KRT6C: variants seen among roughly 807,000 people sequenced by gnomAD.
KRT6C encodes the protein keratin, type II cytoskeletal 6C.
KRT6C carries 46 observed loss-of-function variants against 49.4 expected under a neutral mutation model. The ratio of observed to expected loss-of-function variants is 0.93; its 90% confidence interval spans 0.74 to 1.19. The LOEUF (loss-of-function observed/expected upper bound fraction) is 1.19. KRT6C is among the 50% of genes most tolerant of loss of function. The pLI is 0.00. For synonymous variants in KRT6C, 236 were observed against 297.1 expected, an observed-to-expected ratio of 0.79 and a Z score of 2.12; for missense variants, 552 against 737.5, an observed-to-expected ratio of 0.75 and a Z score of 2.91.
In KRT6C at chr12:52,470,550, G is replaced by T. The variant is rs1375481872; in HGVS notation, c.1158C>A (p.Arg386=). 2 of 1,614,096 alleles carry T rather than the reference G, an allele frequency of 1.2e-6. No individual in the cohort carries two copies. Among genetic ancestry groups the T allele is most frequent in the African/African-American group, 2.7e-5 (2 of 75,018 alleles). Residue 386 remains arginine (R), a synonymous_variant, in exon 6 of 9, where the codon CGC becomes CGA. Transcript: ENST00000252250. ...TCTCAGATCTCAGCCTCTGGATCAT[G>T]CGGTTGATCTCAGCAATCTCCTGCT... ...NTKQEIAEIN[R]MIQRLRSEID... is the part of the protein sequence containing the mutation.
chr12:52,469,940 A>G (rs752832631), intron 6 of KRT6C, 50 bp from the exon 7 acceptor site: 46 of 1,607,920 alleles, frequency 2.9e-5, no homozygotes, highest in Non-Finnish European at 3.8e-5. Flanking sequence ...CCTCCGGAGG[A>G]GGCTGGCCCT....
Position 52,473,523 on chromosome 12 carries a change from A to G in KRT6C, c.215T>C (p.Ile72Thr), listed in dbSNP as rs1429648924. ...ACTGATGGCACAGCTGCCCCCTCCAATGGAGATCCTCTTGGAGCCCCCCAG... is the reference window on the plus strand; with the variant it reads ...ACTGATGGCACAGCTGCCCCCTCCAGTGGAGATCCTCTTGGAGCCCCCCAG... ...YGLGGSKRIS[I>T]GGGSCAISGG... Residue 72 changes from isoleucine (I) to threonine (T), a missense_variant, in exon 1 of 9, where the codon ATT becomes ACT. By Grantham distance (89) the Ile-to-Thr change is moderately conservative. Around this residue, in one of 3 missense-constraint regions of KRT6C, gnomAD observed 73 missense variants for 102.1 expected, o/e 0.71. Transcript: ENST00000252250. 5.9e-6 allele frequency: 9 copies of G among 1,533,912 alleles called. No homozygotes were observed. The highest frequency in any genetic ancestry group is 4.6e-5 in the East Asian group (2 of 43,678).
At chr12:52,469,955 T>C in intron 6 of KRT6C, 65 bp from the exon 7 acceptor site, 1 of 1,583,674 alleles carries the variant, frequency 6.3e-7, no homozygotes, top group Non-Finnish European at 8.6e-7. Context: ...GGCCCTTGTT[T>C]AGTGAACCAG....
intron 6 of KRT6C, 48 bp from the exon 7 acceptor site, chr12:52,469,938 G>A (rs1937844848): frequency 2.9e-5 from 46 of 1,608,608 alleles, no homozygotes; most frequent in Non-Finnish European, 3.7e-5. Flanking sequence ...CTCCTCCGGA[G>A]GAGGCTGGCC....
At position 52,468,912 on chromosome 12, in the gene KRT6C, G is replaced by C; in HGVS notation, c.*150C>G. On this transcript the variant is annotated 3_prime_UTR_variant, in exon 9 of 9. Coordinates refer to ENST00000252250, the MANE Select transcript of KRT6C (RefSeq NM_173086.5). The stretch of plus-strand genomic sequence containing the variant: ...CTCAGATGGGGCAGGTATAGACAGA[G>C]AGAAGTGAGGGCACTAAGCATCCAT... 3.2e-6 allele frequency: 3 copies of C among 925,372 alleles called. No homozygotes were observed. The highest frequency in any genetic ancestry group is 4.9e-6 in the Non-Finnish European group (3 of 606,148). The allele number at this position is 925,372 out of a possible 1,614,324, so 57.3% of individuals were successfully genotyped here. A position where few individuals can be genotyped will look rare whatever the true frequency, so the allele number is the denominator to read the frequency against.
In KRT6C at chr12:52,469,228, C is replaced by T. The variant is rs1468084398; in HGVS notation, c.1529G>A (p.Gly510Asp). The part of the protein sequence containing the change: ...ASGVGSGLGL[G>D]GGSSYSYGSG... The stretch of plus-strand genomic sequence containing the variant: ...GCCATAGGAGTAGCTGCTTCCTCCA[C>T]CCAGGCCTAAGCCACTGCCGACACC... Residue 510 changes from glycine (G) to aspartate (D), a missense_variant, in exon 9 of 9, where the codon GGT (glycine) becomes GAT (aspartate). Physicochemically the swap from Gly to Asp is moderately conservative, Grantham distance 94. Coordinates refer to ENST00000252250, the MANE Select transcript of KRT6C (RefSeq NM_173086.5). The T allele has an allele frequency of 5.0e-6, 8 of 1,613,988 alleles. No individual in the cohort carries two copies. Among genetic ancestry groups the T allele is most frequent in the East Asian group, 2.2e-5 (1 of 44,884 alleles).
rs188741442 is a variant in KRT6C, at chr12:52,470,355, T to C, written c.1203+150A>G. On this transcript the variant is annotated intron_variant, in intron 6 of 8. Coordinates refer to ENST00000252250, the MANE Select transcript of KRT6C (RefSeq NM_173086.5). ...TCCTCTTGGGTGGGATTCACTTCTCTATTGAGTTCTCACTGAGGGCAAGAA... is the reference window on the plus strand; with the variant it reads ...TCCTCTTGGGTGGGATTCACTTCTCCATTGAGTTCTCACTGAGGGCAAGAA... 6 of 1,399,636 alleles carry C rather than the reference T, an allele frequency of 4.3e-6. No individual in the cohort carries two copies. The African/African-American group carries it at 8.4e-5, about 20-fold the overall frequency. 86.7% of individuals were successfully genotyped at this position (1,399,636 alleles called of 1,614,324 possible).
chr12:52,471,368 C>T (rs1937879132), intron 4 of KRT6C, 53 bp downstream of exon 4: 1 of 1,614,076 alleles, frequency 6.2e-7, no homozygotes, highest in Admixed American at 1.7e-5. Context: ...TATACATCTT[C>T]TCCCCTTTGC....
At chr12:52,470,386 C>A in intron 6 of KRT6C, 119 bp downstream of exon 6, 3 of 1,562,588 alleles carry the variant, frequency 1.9e-6, no homozygotes, top group Non-Finnish European at 2.6e-6. Flanking sequence ...AAGAACTACA[C>A]ATGTTCCTCA....
chr12:52,469,801 C>A lies in KRT6C; in HGVS notation c.1293G>T (p.Glu431Asp), dbSNP rs759147517. ...CCTGCTTGGCCTTCTGCAGGGCATCCTCCAGCCCTTCCAGCTTGTTCTTAG... is the reference window on the plus strand; with the variant it reads ...CCTGCTTGGCCTTCTGCAGGGCATCATCCAGCCCTTCCAGCTTGTTCTTAG... ...KDAKNKLEGLEDALQKAKQDL... is the reference protein window; with the variant it reads ...KDAKNKLEGLDDALQKAKQDL... Residue 431 changes from glutamate (E) to aspartate (D), a missense_variant, in exon 7 of 9, where the codon GAG (glutamate) becomes GAT (aspartate). Around this residue, in one of 3 missense-constraint regions of KRT6C, gnomAD observed 425 missense variants for 439.4 expected, o/e 0.97. Transcript: ENST00000252250. 1.2e-6 allele frequency: 2 copies of A among 1,614,122 alleles called. No individual in the cohort carries two copies. Among genetic ancestry groups the A allele is most frequent in the Non-Finnish European group, 1.7e-6 (2 of 1,180,002 alleles).
At chr12:52,471,642 G>A in intron 3 of KRT6C, 30 bp downstream of exon 3, 5 of 1,608,192 alleles carry the variant, frequency 3.1e-6, no homozygotes, top group South Asian at 1.1e-5. Context: ...CCTTCTAAAT[G>A]AATTTGAACC....
intron 6 of KRT6C, 52 bp downstream of exon 6, chr12:52,470,453 G>C (rs1592176784): frequency 6.2e-7 from 1 of 1,613,870 alleles, no homozygotes; most frequent in Non-Finnish European, 8.5e-7. Context: ...ATGACTGCCT[G>C]ATGGGTCTAG....
rs538094399 is a variant in KRT6C, at chr12:52,468,833, G to A, written c.*229C>T. 5 of 601,342 alleles carry A rather than the reference G, an allele frequency of 8.3e-6. No individual in the cohort carries two copies. In the Admixed American group the frequency reaches 8.9e-5, roughly 11 times the overall value. The allele number at this position is 601,342 out of a possible 1,614,324, so 37.3% of individuals were successfully genotyped here. On this transcript the variant is annotated 3_prime_UTR_variant, in exon 9 of 9. Transcript: ENST00000252250. ...TTAGTAACAAAGTGAAGCTCCATTG[G>A]TGAATACATTATGATGTAAAATCAA...
In KRT6C at chr12:52,469,207, T is replaced by C. The variant is rs914748964; in HGVS notation, c.1550A>G (p.Tyr517Cys). 1 of 1,613,938 alleles carries C rather than the reference T, an allele frequency of 6.2e-7. No homozygotes were observed. The highest frequency in any genetic ancestry group is 1.1e-5 in the South Asian group (1 of 91,070). ...LGLGGGSSYS[Y>C]GSGLGIGGGF... ...ACCTCCAATGCCAAGACCACTGCCA[T>C]AGGAGTAGCTGCTTCCTCCACCCAG... The change falls in exon 9 of 9, where the codon TAT becomes TGT. Residue 517 changes from tyrosine to cysteine, a missense_variant. Physicochemically the swap from Tyr to Cys is radical, Grantham distance 194 (BLOSUM62 -2). This residue lies in a region of KRT6C where 425 missense variants were observed against 439.4 expected (regional missense o/e 0.97). Coordinates refer to ENST00000252250, the MANE Select transcript of KRT6C (RefSeq NM_173086.5).
chr12:52,472,349 C>T lies in KRT6C; in HGVS notation c.541-69G>A, dbSNP rs1460890715. 3.0e-6 allele frequency: 4 copies of T among 1,318,342 alleles called. 1 individual carries two copies. The highest frequency in any genetic ancestry group is 6.9e-5 in the East Asian group (2 of 29,032). 81.7% of individuals were successfully genotyped at this position (1,318,342 alleles called of 1,614,324 possible). A position where few individuals can be genotyped will look rare whatever the true frequency, so the allele number is the denominator to read the frequency against. ...AGAAAAAGTGTCTGGTATCCAGTTT[C>T]CTGGCAGGTCTTGGAGGTCCCCATG... On this transcript the variant is annotated intron_variant, in intron 1 of 8. Coordinates refer to ENST00000252250, the MANE Select transcript of KRT6C (RefSeq NM_173086.5).
In KRT6C at chr12:52,469,775, TC is replaced by T. The variant is rs1385338927; in HGVS notation, c.1318del (p.Asp440ThrfsTer6). 1 of 1,614,116 alleles carries T rather than the reference TC, an allele frequency of 6.2e-7. No homozygotes were observed. The highest frequency in any genetic ancestry group is 8.5e-7 in the Non-Finnish European group (1 of 1,180,010). On this transcript the variant is annotated frameshift_variant, in exon 7 of 9. Transcript: ENST00000252250. LOFTEE classifies it high-confidence loss of function. Reference sequence around the variant, plus strand: ...GTACTCCTTCAGCAGCCGGGCCAGGTCCTGCTTGGCCTTCTGCAGGGCATCC... The same window carrying T: ...GTACTCCTTCAGCAGCCGGGCCAGGTCTGCTTGGCCTTCTGCAGGGCATCC... ...LEDALQKAKQ[D>X]LARLLKEYQE...
Position 52,473,740 on chromosome 12 carries a change from T to A in KRT6C, c.-3A>T. The A allele has an allele frequency of 6.2e-7, 1 of 1,613,934 alleles. No homozygotes were observed. The highest frequency in any genetic ancestry group is 8.5e-7 in the Non-Finnish European group (1 of 1,179,994). ...ATGGTGGTGGATGTGCTGGCCATGG[T>A]TCCAGGAGATGAGAGGGCTGTGGCG... On this transcript the variant is annotated 5_prime_UTR_variant, in exon 1 of 9. Transcript: ENST00000252250.
chr12:52,470,750 T>C, intron 5 of KRT6C, 120 bp from the exon 6 acceptor site: 1 of 1,604,618 alleles, frequency 6.2e-7, no homozygotes, highest in Middle Eastern at 2.1e-4. Context: ...TCAAGAAACT[T>C]GAGGAAAAGT....
At position 52,469,656 on chromosome 12, in the gene KRT6C, C is replaced by T. The variant is rs778818283; in HGVS notation, c.1424+14G>A. ...TGGACTCAGCTGTTGGAGGAAGTCG[C>T]GTCAGTTACCTACCTGCACTCCTCG... is the stretch of plus-strand genomic sequence containing the variant. On this transcript the variant is annotated intron_variant, in intron 7 of 8. Transcript: ENST00000252250. 1.7e-4 allele frequency: 277 copies of T among 1,613,908 alleles called. 4 individuals are homozygous for T. The South Asian group carries it at 2.3e-3, about 13-fold the overall frequency.
Sources: gnomAD v4.1 joint callset for allele counts on GRCh38, gnomAD v4.1.1 for gene constraint, gnomAD v4.1.1 regional missense constraint, MANE v1.5 for transcripts, NCBI Gene and HGNC (gene_info 2026-07-23, HGNC 2026-07-21) for gene names.